COL19A1: variants seen among roughly 807,000 people sequenced by gnomAD.
COL19A1 encodes collagen type XIX alpha 1 chain.
In COL19A1, 159 loss-of-function variants were observed where a neutral mutation model predicts 190.2. The observed-to-expected ratio is 0.84, with a 90% CI of 0.73 to 0.95. The LOEUF is 0.95. COL19A1 is among the 40% of genes least tolerant of loss of function. COL19A1 has a pLI of 0.00. For missense variants in COL19A1, 1,418 were observed against 1,431.9 expected (o/e 0.99, Z 0.16); for synonymous variants, 509 against 458.9 (o/e 1.11, Z -1.39).
At chr6:70,079,909 T>G (rs1782136199) in intron 15 of COL19A1, among the ~76,000 whole-genome samples, 1 of 152,076 alleles carries the variant, frequency 6.6e-6, no homozygotes, top group Non-Finnish European at 1.5e-5. Context: ...GATTACAAAC[T>G]GAAGCAAAGA....
At position 69,884,860 on chromosome 6, in the gene COL19A1, C is replaced by CTT. The variant is rs551532506; in HGVS notation, c.91+5214_91+5215dup. 3.2e-3 allele frequency among the ~76,000 whole-genome samples: 461 copies of CTT among 144,234 alleles called. 2 individuals are homozygous for CTT. Among genetic ancestry groups the CTT allele is most frequent in the African/African-American group, 9.9e-3 (392 of 39,442 alleles). The allele number at this position is 144,234 out of a possible 152,430, so 94.6% of individuals were successfully genotyped here. A position where few individuals can be genotyped will look rare whatever the true frequency, so the allele number is the denominator to read the frequency against. Reference sequence around the variant, plus strand: ...AGCTGCCTTCCTTTGGCTCTTTTCTCTTTTTTTTTTTTTCCAGACTGAGTC... The same window carrying CTT: ...AGCTGCCTTCCTTTGGCTCTTTTCTCTTTTTTTTTTTTTTTCCAGACTGAGTC... On this transcript the variant is annotated intron_variant, in intron 2 of 50. Coordinates refer to ENST00000620364, the MANE Select transcript of COL19A1 (RefSeq NM_001858.6).
intron 11 of COL19A1, among the ~76,000 whole-genome samples, chr6:69,996,420 A>G (rs1776908067): frequency 6.6e-6 from 1 of 152,078 alleles, no homozygotes; most frequent in African/African-American, 2.4e-5. Context: ...AGACATAATC[A>G]TTTCTTTACC....
intron 4 of COL19A1, among the ~76,000 whole-genome samples, chr6:69,921,479 CATAT>C (rs369671585): frequency 3.7e-3 from 33 of 8,920 alleles, no homozygotes; most frequent in South Asian, 0.017. Flanking sequence ...TTCATATATT[CATAT>C]ATATTCATAT....
At chr6:69,911,633 A>C (rs1770925875) in intron 4 of COL19A1, among the ~76,000 whole-genome samples, 1 of 152,062 alleles carries the variant, frequency 6.6e-6, no homozygotes, top group South Asian at 2.1e-4. Context: ...TTATTTGAAC[A>C]ATCTCAACTT....
chr6:69,970,071 A>G (rs1352334156), intron 11 of COL19A1, among the ~76,000 whole-genome samples: 1 of 152,026 alleles, frequency 6.6e-6, no homozygotes, highest in Non-Finnish European at 1.5e-5. Flanking sequence ...AATAGATTCC[A>G]CCTCCTGATG....
At chr6:70,074,105 G>T (rs1781718101) in intron 15 of COL19A1, among the ~76,000 whole-genome samples, 1 of 152,130 alleles carries the variant, frequency 6.6e-6, no homozygotes, top group Non-Finnish European at 1.5e-5. Context: ...AAGTGAAATT[G>T]TGCCCTCATA....
intron 39 of COL19A1, 85 bp from the exon 40 acceptor site, chr6:70,168,570 T>G (rs1419314592): frequency 1.5e-6 from 2 of 1,366,020 alleles, no homozygotes; most frequent in Non-Finnish European, 2.1e-6. Context: ...GTATGTGTAT[T>G]AAGGCAAATT....
At chr6:69,921,833 T>C (rs1374011109) in intron 4 of COL19A1, among the ~76,000 whole-genome samples, 1 of 151,696 alleles carries the variant, frequency 6.6e-6, no homozygotes, top group Non-Finnish European at 1.5e-5. Flanking sequence ...TATATATTCG[T>C]ATGTAGATTC....
intron 31 of COL19A1, among the ~76,000 whole-genome samples, chr6:70,152,742 T>C (rs974157157): frequency 6.6e-6 from 1 of 152,154 alleles, no homozygotes. Flanking sequence ...CACAGGAACA[T>C]AGGTCCTCAG....
At chr6:70,003,075 G>A (rs1582657646) in intron 11 of COL19A1, among the ~76,000 whole-genome samples, 1 of 152,050 alleles carries the variant, frequency 6.6e-6, no homozygotes, top group Non-Finnish European at 1.5e-5. Flanking sequence ...ATAGATTCTG[G>A]TAAGTTTTCT....
intron 14 of COL19A1, among the ~76,000 whole-genome samples, chr6:70,053,865 T>C (rs1229392895): frequency 6.6e-6 from 1 of 152,204 alleles, no homozygotes; most frequent in Admixed American, 6.5e-5. Context: ...AGCCATATTG[T>C]TAATTCTTAA....
intron 14 of COL19A1, among the ~76,000 whole-genome samples, chr6:70,051,271 T>C (rs1179212616): frequency 1.3e-5 from 2 of 152,160 alleles, no homozygotes; most frequent in South Asian, 2.1e-4. Flanking sequence ...GGATTAGACT[T>C]ACCAGTGTCA....
chr6:70,098,493 T>C (rs2150183631), intron 15 of COL19A1: 1 of 499,362 alleles, frequency 2.0e-6, no homozygotes, highest in South Asian at 1.5e-5. Flanking sequence ...AGGTGCCTCA[T>C]TCGACCAGTC....
chr6:70,118,773 C>T (rs554888040), intron 16 of COL19A1, among the ~76,000 whole-genome samples: 2 of 151,940 alleles, frequency 1.3e-5, no homozygotes, highest in African/African-American at 4.8e-5. Context: ...AACGTTCAAC[C>T]TTTTCTGTAG....
intron 9 of COL19A1, among the ~76,000 whole-genome samples, chr6:69,943,447 G>T (rs369425342): frequency 6.6e-6 from 1 of 152,004 alleles, no homozygotes; most frequent in Non-Finnish European, 1.5e-5. Flanking sequence ...TTGGTTGCCT[G>T]TGCTCTTGAG....
At chr6:70,161,388 GA>G (rs1787792991) in intron 34 of COL19A1, among the ~76,000 whole-genome samples, 1 of 152,122 alleles carries the variant, frequency 6.6e-6, no homozygotes, top group Non-Finnish European at 1.5e-5. Context: ...TATAAAATAA[GA>G]AATGCTCTAT....
intron 1 of COL19A1, among the ~76,000 whole-genome samples, chr6:69,876,848 A>G (rs576629163): frequency 6.6e-6 from 1 of 152,340 alleles, no homozygotes; most frequent in South Asian, 2.1e-4. Flanking sequence ...GCAAAGTCAT[A>G]TGAGGATTAG....
intron 1 of COL19A1, among the ~76,000 whole-genome samples, chr6:69,871,118 A>G (rs1424764460): frequency 6.6e-6 from 1 of 152,240 alleles, no homozygotes; most frequent in Non-Finnish European, 1.5e-5. Context: ...AAACTAAGGA[A>G]TAATGCTAGA....
chr6:70,018,677 G>A (rs772468972), intron 11 of COL19A1, among the ~76,000 whole-genome samples: 9 of 152,032 alleles, frequency 5.9e-5, no homozygotes, highest in Non-Finnish European at 1.0e-4. Context: ...CAGGAGTGAC[G>A]GAATGGGGAA....
Sources: gnomAD v4.1 joint callset for allele counts (sites outside exome capture counted in the v4.1 genomes callset) on GRCh38, gnomAD v4.1.1 for gene constraint, MANE v1.5 for transcripts, NCBI Gene and HGNC (gene_info 2026-07-23, HGNC 2026-07-21) for gene names.